Variants in MNS1 observed in about 807,000 individuals in gnomAD.
The protein encoded by MNS1 is meiosis specific nuclear structural 1, also known as meiosis-specific nuclear structural protein 1.
In MNS1, 63 loss-of-function variants were observed where a neutral mutation model predicts 72.0. The observed-to-expected ratio is 0.87, with a 90% CI of 0.71 to 1.08. The LOEUF (loss-of-function observed/expected upper bound fraction) is 1.08. Among genes scored for constraint, MNS1 ranks in the 50% least tolerant of loss-of-function variants. The pLI is 0.00. For missense variants in MNS1, 604 were observed against 562.4 expected (o/e 1.07, Z -0.75); for synonymous variants, 188 against 172.1 (o/e 1.09, Z -0.72).
Position 56,428,956 on chromosome 15 carries a change from G to A in MNS1, c.*145C>T. ...TAAAATTAATTTGTATCTGATAATT[G>A]TTTACAAGTTATGAAATTCAGTGAT... On this transcript the variant is annotated 3_prime_UTR_variant, in exon 10 of 10. Transcript: ENST00000260453. 1 of 566,226 alleles carries A rather than the reference G, an allele frequency of 1.8e-6. No homozygotes were observed. The highest frequency in any genetic ancestry group is 2.4e-5 in the South Asian group (1 of 41,010). The allele number at this position is 566,226 out of a possible 1,614,324, so 35.1% of individuals were successfully genotyped here. A position where few individuals can be genotyped will look rare whatever the true frequency, so the allele number is the denominator to read the frequency against.
At chr15:56,447,931 C>T (rs1406979877) in intron 3 of MNS1, among the ~76,000 whole-genome samples, 1 of 152,190 alleles carries the variant, frequency 6.6e-6, no homozygotes, top group African/African-American at 2.4e-5. Context: ...TGGCTTCTTT[C>T]ACTCAATATT....
chr15:56,455,799 G>T (rs1329847244), intron 3 of MNS1, among the ~76,000 whole-genome samples: 1 of 152,096 alleles, frequency 6.6e-6, no homozygotes, highest in Non-Finnish European at 1.5e-5. Flanking sequence ...AAGAAACCAG[G>T]ATGATGAATA....
intron 2 of MNS1, among the ~76,000 whole-genome samples, chr15:56,460,005 A>ATATATATATATATATATATATATATAT (rs1374166252): frequency 3.3e-5 from 1 of 30,536 alleles, no homozygotes; most frequent in African/African-American, 1.2e-4. Flanking sequence ...AAAAAAAAAA[A>ATATATATATATATATATATATATATAT]AAAAATACAT....
intron 2 of MNS1, among the ~76,000 whole-genome samples, chr15:56,459,225 T>A (rs1435549321): frequency 2.0e-5 from 3 of 152,266 alleles, no homozygotes; most frequent in African/African-American, 7.2e-5. Context: ...TGGCCTTTTG[T>A]ATCTGGTTTA....
intron 2 of MNS1, among the ~76,000 whole-genome samples, chr15:56,462,692 C>G (rs1438473311): frequency 6.6e-6 from 1 of 152,204 alleles, no homozygotes. Context: ...CCACCAAATA[C>G]ACCGTATGAA....
rs537132904 is a variant in MNS1 at position 56,434,786 on chromosome 15, T to G, written c.1012-391A>C. ...AAAAGCTGTCCAAACCACCCATAAG[T>G]ATTTTTCAGTTTCCAACCTCCTCCT... On this transcript the variant is annotated intron_variant, in intron 7 of 9. Coordinates refer to ENST00000260453, the MANE Select transcript of MNS1 (RefSeq NM_018365.4). Among the ~76,000 whole-genome samples, 9 of 152,212 alleles carry G rather than the reference T, an allele frequency of 5.9e-5. No individual in the cohort carries two copies. In the South Asian group the frequency reaches 1.5e-3, roughly 25 times the overall value.
Position 56,429,008 on chromosome 15 carries a change from G to C in MNS1, c.*93C>G, listed in dbSNP as rs1223416206. The C allele has an allele frequency of 1.5e-6, 1 of 645,832 alleles. No individual in the cohort carries two copies. The allele number at this position is 645,832 out of a possible 1,614,324, so 40.0% of individuals were successfully genotyped here. ...ATTTACAAAATCCAAACAGACAATG[G>C]ATACCTAATGCCACTGAACTGTAAA... On this transcript the variant is annotated 3_prime_UTR_variant, in exon 10 of 10. Coordinates refer to ENST00000260453, the MANE Select transcript of MNS1 (RefSeq NM_018365.4).
At chr15:56,461,233 G>A (rs768867983) in intron 2 of MNS1, among the ~76,000 whole-genome samples, 2 of 152,074 alleles carry the variant, frequency 1.3e-5, no homozygotes, top group East Asian at 1.9e-4. Flanking sequence ...CAGAAACACC[G>A]AGAATGATGT....
chr15:56,461,026 T>C (rs1340664056), intron 2 of MNS1, among the ~76,000 whole-genome samples: 2 of 152,094 alleles, frequency 1.3e-5, no homozygotes, highest in African/African-American at 4.8e-5. Flanking sequence ...TTGAGTTCAA[T>C]GACTAGAAAA....
In MNS1 at chr15:56,443,416, T is replaced by G. The variant is rs2050851928; in HGVS notation, c.1011+14A>C. 1 of 1,529,084 alleles carries G rather than the reference T, an allele frequency of 6.5e-7. No homozygotes were observed. Among genetic ancestry groups the G allele is most frequent in the African/African-American group, 1.4e-5 (1 of 71,534 alleles). 94.7% of individuals were successfully genotyped at this position (1,529,084 alleles called of 1,614,324 possible). A position where few individuals can be genotyped will look rare whatever the true frequency, so the allele number is the denominator to read the frequency against. On this transcript the variant is annotated intron_variant, in intron 7 of 9. Transcript: ENST00000260453. ...TTCTCTACATTAATCATTCTTTCCA[T>G]TTCTGAAACTTACTTTTAGCTTGCT...
At chr15:56,440,393 G>A (rs2050798014) in intron 7 of MNS1, among the ~76,000 whole-genome samples, 1 of 152,160 alleles carries the variant, frequency 6.6e-6, no homozygotes, top group African/African-American at 2.4e-5. Context: ...CAGCTGTTCT[G>A]GAAATCACTT....
At chr15:56,436,908 A>T (rs1392460246) in intron 7 of MNS1, among the ~76,000 whole-genome samples, 1 of 152,208 alleles carries the variant, frequency 6.6e-6, no homozygotes, top group African/African-American at 2.4e-5. Flanking sequence ...GCTGGGAAGA[A>T]GTTGAATCCC....
At chr15:56,429,395 A>G in intron 9 of MNS1, 1 of 429,050 alleles carries the variant, frequency 2.3e-6, no homozygotes, top group Middle Eastern at 6.1e-4. Context: ...GACTGACCCA[A>G]TTTTCTGATT....
intron 3 of MNS1, 129 bp downstream of exon 3, chr15:56,456,265 G>T: frequency 1.3e-6 from 1 of 767,698 alleles, no homozygotes. Flanking sequence ...AAAGCAATAA[G>T]TATTTCCAGG....
Position 56,444,591 on chromosome 15 carries a change from C to G in MNS1, c.539G>C (p.Arg180Pro), listed in dbSNP as rs752613858. Residue 180 changes from arginine to proline, a missense_variant, in exon 5 of 10, where the codon CGA (arginine) becomes CCA (proline). By Grantham distance (103) the Arg-to-Pro change is moderately radical. Coordinates refer to ENST00000260453, the MANE Select transcript of MNS1 (RefSeq NM_018365.4). Reference protein sequence around the residue: ...IKEENAAEDKRNKAKAQYYLD... With the variant: ...IKEENAAEDKPNKAKAQYYLD... ...ATAGTACTGTGCTTTCGCTTTGTTT[C>G]GTTTGTCTTCTGCAGCATTCTCTTC... 1.2e-6 allele frequency: 2 copies of G among 1,612,592 alleles called. No individual in the cohort carries two copies. The highest frequency in any genetic ancestry group is 2.7e-5 in the African/African-American group (2 of 74,684).
rs779281766 is a variant in MNS1, at chr15:56,444,511, C to G, written c.619G>C (p.Glu207Gln). The stretch of plus-strand genomic sequence containing the variant: ...ATGAGTTTCTCTTTTAGCAGCTGCT[C>G]ATAAGCTTCCTGCTTTTTTTTTTCT... ...EQEKKKQEAY[E>Q]QLLKEKLMID... The change falls in exon 5 of 10, where the codon GAG becomes CAG. Residue 207 changes from glutamate to glutamine, a missense_variant. Physicochemically the swap from Glu to Gln is conservative, Grantham distance 29. Coordinates refer to ENST00000260453, the MANE Select transcript of MNS1 (RefSeq NM_018365.4). The G allele has an allele frequency of 6.2e-7, 1 of 1,612,024 alleles. No individual in the cohort carries two copies. The highest frequency in any genetic ancestry group is 8.5e-7 in the Non-Finnish European group (1 of 1,179,440).
chr15:56,452,125 G>T (rs1473968366), intron 3 of MNS1, among the ~76,000 whole-genome samples: 2 of 152,220 alleles, frequency 1.3e-5, no homozygotes, highest in African/African-American at 4.8e-5. Flanking sequence ...TTGCTTCTGT[G>T]TTGGGGGTTC....
chr15:56,436,464 G>C (rs1436225461), intron 7 of MNS1, among the ~76,000 whole-genome samples: 2 of 152,294 alleles, frequency 1.3e-5, no homozygotes, highest in African/African-American at 4.8e-5. Context: ...GCAGTGTGTA[G>C]AGGGAAATTT....
intron 3 of MNS1, among the ~76,000 whole-genome samples, chr15:56,452,769 C>A (rs1435603827): frequency 6.6e-6 from 1 of 152,074 alleles, no homozygotes; most frequent in Admixed American, 6.5e-5. Flanking sequence ...CCACTCACCT[C>A]GGCCTCCCAA....
Sources: allele counts gnomAD v4.1 joint callset (sites outside exome capture counted in the v4.1 genomes callset), GRCh38; gene constraint gnomAD v4.1.1; transcripts MANE v1.5; gene names NCBI Gene and HGNC (gene_info 2026-07-23, HGNC 2026-07-21).